The following CPNE8 variants were observed in gnomAD, a reference collection of about 807,000 sequenced individuals.
CPNE8 encodes copine-8.
Under a neutral mutation model 81.5 loss-of-function variants are expected in CPNE8, and 45 were observed. The observed-to-expected ratio is 0.55, with a 90% CI of 0.44 to 0.71. CPNE8 has a LOEUF of 0.71. CPNE8 is among the 30% of genes least tolerant of loss of function. The pLI is 0.00. For missense variants in CPNE8, 594 were observed against 672.1 expected, an observed-to-expected ratio of 0.88 and a Z score of 1.28; for synonymous variants, 252 against 226.3, an observed-to-expected ratio of 1.11 and a Z score of -1.02.
chr12:38,814,515 G>T (rs539401591), intron 6 of CPNE8, among the ~76,000 whole-genome samples: 2 of 151,720 alleles, frequency 1.3e-5, no homozygotes, highest in African/African-American at 4.8e-5. Context: ...TAGAAACGGG[G>T]TTTCACCATA....
upstream of CPNE8, chr12:38,906,763 C>A (rs148165013): frequency 3.9e-6 from 1 of 256,290 alleles, no homozygotes; most frequent in South Asian, 1.4e-4. Flanking sequence ...CACCCGAGCG[C>A]CTGCGGGTCC....
At chr12:38,799,254 C>T (rs952699099) in intron 6 of CPNE8, among the ~76,000 whole-genome samples, 1 of 152,034 alleles carries the variant, frequency 6.6e-6, no homozygotes, top group Non-Finnish European at 1.5e-5. Context: ...ACATTTTTTT[C>T]AGCACACCAC....
At chr12:38,662,329 T>A (rs1246507950) in intron 19 of CPNE8, among the ~76,000 whole-genome samples, 1 of 152,082 alleles carries the variant, frequency 6.6e-6, no homozygotes, top group Admixed American at 6.6e-5. Context: ...AAAATCAACA[T>A]ACAACCATCA....
At chr12:38,744,760 A>AT (rs11459937) in intron 10 of CPNE8, among the ~76,000 whole-genome samples, 145,549 of 152,192 alleles carry the variant, frequency 0.96, 69,771 homozygotes, top group East Asian at 1. Context: ...GCCTATCAGG[A>AT]TTTTGCAAAG....
chr12:38,869,969 T>C (rs56149694), intron 3 of CPNE8, among the ~76,000 whole-genome samples: 57,607 of 152,162 alleles, frequency 0.38, 13,067 homozygotes, highest in Non-Finnish European at 0.51. Context: ...AAGCCAAGCA[T>C]AAGAAAATAT....
chr12:38,905,325 C>T, intron 1 of CPNE8, 112 bp downstream of exon 1: 3 of 1,248,620 alleles, frequency 2.4e-6, no homozygotes, highest in Non-Finnish European at 2.2e-6. Context: ...ATTTCCCACT[C>T]ATGGCGCAAC....
chr12:38,862,635 A>G (rs1943854423), intron 3 of CPNE8, among the ~76,000 whole-genome samples: 1 of 152,210 alleles, frequency 6.6e-6, no homozygotes. Context: ...AATACCTGTT[A>G]AGCTGTCATT....
At chr12:38,880,733 C>A (rs1944140676) in intron 1 of CPNE8, among the ~76,000 whole-genome samples, 1 of 152,068 alleles carries the variant, frequency 6.6e-6, no homozygotes, top group Admixed American at 6.5e-5. Flanking sequence ...CAAATTTAAT[C>A]TTTGGAAGTG....
At chr12:38,655,555 C>A (rs1378803323) in intron 19 of CPNE8, among the ~76,000 whole-genome samples, 1 of 152,020 alleles carries the variant, frequency 6.6e-6, no homozygotes, top group East Asian at 1.9e-4. Flanking sequence ...AAAGAACAAT[C>A]CTGTCTCATG....
intron 6 of CPNE8, among the ~76,000 whole-genome samples, chr12:38,829,100 C>T (rs1034078270): frequency 3.3e-5 from 5 of 151,990 alleles, no homozygotes; most frequent in African/African-American, 4.8e-5. Flanking sequence ...TCAAGAAGTA[C>T]GAAATCTGAT....
At chr12:38,716,180 C>A (rs1165028528) in intron 13 of CPNE8, among the ~76,000 whole-genome samples, 1 of 152,104 alleles carries the variant, frequency 6.6e-6, no homozygotes, top group South Asian at 2.1e-4. Context: ...ACATCCCATG[C>A]TCATGGATGG....
intron 5 of CPNE8, 90 bp from the exon 6 acceptor site, chr12:38,829,545 T>C (rs1272232711): frequency 4.7e-6 from 4 of 847,846 alleles, no homozygotes; most frequent in Admixed American, 4.2e-5. Flanking sequence ...ATTGTTTTCA[T>C]TGCTGAAATA....
chr12:38,771,139 T>C (rs566226964), intron 7 of CPNE8, among the ~76,000 whole-genome samples: 22 of 152,174 alleles, frequency 1.4e-4, no homozygotes, highest in Non-Finnish European at 3.1e-4. Context: ...ATATACTTTA[T>C]GAAAAATTTC....
chr12:38,820,240 A>T (rs2137005147), intron 6 of CPNE8, among the ~76,000 whole-genome samples: 1 of 152,014 alleles, frequency 6.6e-6, no homozygotes, highest in East Asian at 1.9e-4. Flanking sequence ...CCCCATCTCT[A>T]CTAAAAATAC....
At chr12:38,765,434 AC>A (rs1808645183) in intron 8 of CPNE8, among the ~76,000 whole-genome samples, 2 of 152,156 alleles carry the variant, frequency 1.3e-5, no homozygotes, top group African/African-American at 4.8e-5. Flanking sequence ...CAAAGCAAGA[AC>A]ATGAGTATAA....
At chr12:38,865,625 T>C (rs1943902699) in intron 3 of CPNE8, among the ~76,000 whole-genome samples, 1 of 152,158 alleles carries the variant, frequency 6.6e-6, no homozygotes, top group African/African-American at 2.4e-5. Flanking sequence ...GGGAGCACAA[T>C]CAAAATTCCT....
At chr12:38,671,281 A>G (rs1437516233) in intron 18 of CPNE8, among the ~76,000 whole-genome samples, 1 of 152,000 alleles carries the variant, frequency 6.6e-6, no homozygotes, top group Non-Finnish European at 1.5e-5. Flanking sequence ...ATACACATAC[A>G]CACACACACG....
intron 18 of CPNE8, among the ~76,000 whole-genome samples, chr12:38,674,270 G>A (rs1206252729): frequency 6.6e-6 from 1 of 152,134 alleles, no homozygotes; most frequent in Non-Finnish European, 1.5e-5. Context: ...TGAATCAGGT[G>A]TGGGAGCTCT....
chr12:38,727,420 A>G (rs1592042449), intron 11 of CPNE8, among the ~76,000 whole-genome samples: 1 of 152,210 alleles, frequency 6.6e-6, no homozygotes, highest in Non-Finnish European at 1.5e-5. Context: ...CACAATGTAT[A>G]TATGTATTGA....
Sources: gnomAD v4.1 joint callset for allele counts (sites outside exome capture counted in the v4.1 genomes callset) on GRCh38, gnomAD v4.1.1 for gene constraint, MANE v1.5 for transcripts, NCBI Gene and HGNC (gene_info 2026-07-23, HGNC 2026-07-21) for gene names.